ELAVL3: variants seen among roughly 807,000 people sequenced by gnomAD.
ELAVL3 encodes the protein ELAV-like protein 3.
In ELAVL3, 8 loss-of-function variants were observed where a neutral mutation model predicts 34.2. The ratio of observed to expected loss-of-function variants is 0.23; its 90% confidence interval spans 0.14 to 0.42. ELAVL3 has a LOEUF of 0.42. Among genes scored for constraint, ELAVL3 ranks in the 10% least tolerant of loss-of-function variants. The probability of loss-of-function intolerance (pLI) is 1.00; values close to 1 mark genes in which losing one functional copy is unlikely to be tolerated. For synonymous variants in ELAVL3, 209 were observed against 222.1 expected (o/e 0.94, Z 0.53); for missense variants, 273 against 518.8 (o/e 0.53, Z 4.60).
At chr19:11,460,135 T>C (rs945392270) in intron 3 of ELAVL3, among the ~76,000 whole-genome samples, 9 of 152,108 alleles carry the variant, frequency 5.9e-5, no homozygotes, top group African/African-American at 2.2e-4. Context: ...AACTCTGTCC[T>C]CCTAAGTGCT....
intron 1 of ELAVL3, among the ~76,000 whole-genome samples, chr19:11,467,699 G>C (rs1186461358): frequency 3.3e-5 from 5 of 152,038 alleles, no homozygotes; most frequent in African/African-American, 1.2e-4. Context: ...GGCCAGGCTG[G>C]TCTCGAACTC....
intron 3 of ELAVL3, among the ~76,000 whole-genome samples, chr19:11,461,286 G>C (rs1970878558): frequency 6.6e-6 from 1 of 152,164 alleles, no homozygotes; most frequent in Non-Finnish European, 1.5e-5. Flanking sequence ...TACAAAGCAG[G>C]GAATATTGTG....
intron 5 of ELAVL3, 49 bp from the exon 6 acceptor site, chr19:11,457,197 C>T: frequency 6.5e-7 from 1 of 1,528,924 alleles, no homozygotes; most frequent in Non-Finnish European, 8.8e-7. Flanking sequence ...TCACGCCCCC[C>T]TGCTGTGACA....
intron 3 of ELAVL3, among the ~76,000 whole-genome samples, chr19:11,463,220 C>G (rs73922659): frequency 0.041 from 6,294 of 152,194 alleles, 443 homozygotes; most frequent in African/African-American, 0.14. Context: ...ATGGACCAAA[C>G]TCCACCCACA....
rs1040971680 is a variant in ELAVL3 at position 11,462,880 on chromosome 19, T to G, written c.333+3292A>C. On this transcript the variant is annotated intron_variant, in intron 3 of 6. Coordinates refer to ENST00000359227, the MANE Select transcript of ELAVL3 (RefSeq NM_001420.4). ...GGGAGGCTGAGGCAGGAGAATTGCT[T>G]GAACCTGGGAGGCAGAGGTTGCAGT... is the stretch of plus-strand genomic sequence containing the variant. 3.7e-4 allele frequency among the ~76,000 whole-genome samples: 56 copies of G among 149,858 alleles called. 1 individual carries two copies. In the Admixed American group the frequency reaches 3.8e-3, roughly 10 times the overall value.
Position 11,469,446 on chromosome 19 carries a change from A to G in ELAVL3, c.10-2619T>C, listed in dbSNP as rs545089852. 1.1e-4 allele frequency among the ~76,000 whole-genome samples: 16 copies of G among 151,742 alleles called. No homozygotes were observed. In the South Asian group the frequency reaches 3.3e-3, roughly 32 times the overall value. Reference sequence around the variant, plus strand: ...TAGGCATGCGCCACCATGCCCGGCTAATTTTGTATTTTTAGTAGAGGCGGG... The same window carrying G: ...TAGGCATGCGCCACCATGCCCGGCTGATTTTGTATTTTTAGTAGAGGCGGG... On this transcript the variant is annotated intron_variant, in intron 1 of 6. Coordinates refer to ENST00000359227, the MANE Select transcript of ELAVL3 (RefSeq NM_001420.4).
chr19:11,480,785 G>C lies in ELAVL3; in HGVS notation c.-177C>G, dbSNP rs1244117669. 2.0e-6 allele frequency: 1 copy of C among 492,436 alleles called. No homozygotes were observed. Among genetic ancestry groups the C allele is most frequent in the Non-Finnish European group, 3.2e-6 (1 of 311,124 alleles). 30.5% of individuals were successfully genotyped at this position (492,436 alleles called of 1,614,324 possible). A position where few individuals can be genotyped will look rare whatever the true frequency, so the allele number is the denominator to read the frequency against. On this transcript the variant is annotated 5_prime_UTR_variant, in exon 1 of 7. Transcript: ENST00000359227. This position sits in a 1 kb window ranked among gnomAD's most constrained non-coding sequence, Gnocchi z 6.8. Reference sequence around the variant, plus strand: ...GAGGGCCAGGGACGGGCCCGAACCCGGGGATGCGCGCGCGGATGGCCGGGC... The same window carrying C: ...GAGGGCCAGGGACGGGCCCGAACCCCGGGATGCGCGCGCGGATGGCCGGGC...
At chr19:11,471,171 A>G (rs1351562470) in intron 1 of ELAVL3, among the ~76,000 whole-genome samples, 5 of 150,188 alleles carry the variant, frequency 3.3e-5, no homozygotes, top group Non-Finnish European at 5.9e-5. Context: ...TTAGCCGGGC[A>G]TGGTGGTGTG....
rs1437219069 is a variant in ELAVL3, at chr19:11,451,566, C to T, written c.*2960G>A. 1.4e-5 allele frequency: 2 copies of T among 145,676 alleles called. No homozygotes were observed. Among genetic ancestry groups the T allele is most frequent in the African/African-American group, 2.6e-5 (1 of 39,076 alleles). The allele number at this position is 145,676 out of a possible 1,614,324, so 9.0% of individuals were successfully genotyped here. The stretch of plus-strand genomic sequence containing the variant: ...GACTCTGTCGTGATTTGAAACCTTC[C>T]GAATAAATAACAGGATGAAGGGAGG... On this transcript the variant is annotated 3_prime_UTR_variant, in exon 7 of 7. Coordinates refer to ENST00000359227, the MANE Select transcript of ELAVL3 (RefSeq NM_001420.4).
At position 11,480,328 on chromosome 19, in the gene ELAVL3, A is replaced by G; in HGVS notation, c.9+272T>C. ...GCCCCTCCCCCATCAGGCCTGCTGG[A>G]GAGGGGGCAATCCCGCCTCCAGGGC... is the stretch of plus-strand genomic sequence containing the variant. On this transcript the variant is annotated intron_variant, in intron 1 of 6. Coordinates refer to ENST00000359227, the MANE Select transcript of ELAVL3 (RefSeq NM_001420.4). This position sits in a 1 kb window ranked among gnomAD's most constrained non-coding sequence, Gnocchi z 6.8. 2.6e-6 allele frequency: 1 copy of G among 387,758 alleles called. No individual in the cohort carries two copies. Among genetic ancestry groups the G allele is most frequent in the South Asian group, 9.0e-5 (1 of 11,060 alleles). The allele number at this position is 387,758 out of a possible 1,614,324, so 24.0% of individuals were successfully genotyped here.
chr19:11,460,774 G>T (rs1970866574), intron 3 of ELAVL3, among the ~76,000 whole-genome samples: 1 of 151,790 alleles, frequency 6.6e-6, no homozygotes, highest in South Asian at 2.1e-4. Context: ...TCCTAACTAG[G>T]AATTAGACAC....
rs747396136 is a variant in ELAVL3, at chr19:11,480,656, G to A, written c.-48C>T. ...GTCCGTGTTGAGGGGGGCTCCGGGG[G>A]TGGTGCACTCCTAGGGGGGCGCCCG... On this transcript the variant is annotated 5_prime_UTR_variant, in exon 1 of 7. Transcript: ENST00000359227. The surrounding 1 kb of genome is among the most constrained non-coding windows in gnomAD (Gnocchi z 6.8). 1.9e-5 allele frequency: 27 copies of A among 1,408,118 alleles called. No homozygotes were observed. Among genetic ancestry groups the A allele is most frequent in the Admixed American group, 2.8e-5 (1 of 36,144 alleles). 87.2% of individuals were successfully genotyped at this position (1,408,118 alleles called of 1,614,324 possible).
chr19:11,457,194 C>T (rs551155304), intron 5 of ELAVL3, 46 bp from the exon 6 acceptor site: 2 of 1,532,362 alleles, frequency 1.3e-6, no homozygotes, highest in East Asian at 2.6e-5. Context: ...CAGTCACGCC[C>T]CCCTGCTGTG....
intron 1 of ELAVL3, among the ~76,000 whole-genome samples, chr19:11,468,388 T>C (rs1971097881): frequency 6.6e-6 from 1 of 151,942 alleles, no homozygotes; most frequent in East Asian, 1.9e-4. Flanking sequence ...GGGGCTACAG[T>C]GTGATAGTGG....
intron 1 of ELAVL3, among the ~76,000 whole-genome samples, chr19:11,476,260 G>A (rs537097853): frequency 6.6e-6 from 1 of 152,116 alleles, no homozygotes; most frequent in African/African-American, 2.4e-5. Flanking sequence ...TTTAATACAC[G>A]AGGAAAGAGA....
rs144875735 is a variant in ELAVL3 at position 11,458,144 on chromosome 19, C to G, written c.630G>C (p.Thr210=). Reference sequence around the variant, plus strand: ...AGAGGTGGGTGAGCAGCGCCTGCCCCGTCTTCTGACTTGGGTTGTTCGCGA... The same window carrying G: ...AGAGGTGGGTGAGCAGCGCCTGCCCGGTCTTCTGACTTGGGTTGTTCGCGA... ...VKFANNPSQK[T]GQALLTHLYQ... is the part of the protein sequence containing the mutation. The change falls in exon 5 of 7, where the codon ACG becomes ACC. Residue 210 remains threonine, a synonymous_variant. Transcript: ENST00000359227. The surrounding 1 kb of genome is among the most constrained non-coding windows in gnomAD (Gnocchi z 7.3). 6.2e-7 allele frequency: 1 copy of G among 1,614,158 alleles called. No individual in the cohort carries two copies. Among genetic ancestry groups the G allele is most frequent in the Admixed American group, 1.7e-5 (1 of 60,030 alleles).
At position 11,466,831 on chromosome 19, in the gene ELAVL3, G is replaced by A. The variant is rs2144898411; in HGVS notation, c.10-4C>T. The A allele has an allele frequency of 6.3e-7, 1 of 1,595,006 alleles. No homozygotes were observed. Among genetic ancestry groups the A allele is most frequent in the Non-Finnish European group, 8.5e-7 (1 of 1,170,256 alleles). On this transcript the variant is annotated splice_polypyrimidine_tract_variant and splice_region_variant and intron_variant, in intron 1 of 6. Transcript: ENST00000359227. The surrounding 1 kb of genome is among the most constrained non-coding windows in gnomAD (Gnocchi z 5.0). ...ACTCCATGGCCCCCAGTATCTGCTG[G>A]AGATAACAGGTCGCATCCGCTCACC... is the stretch of plus-strand genomic sequence containing the variant.
At chr19:11,476,877 C>T (rs903374773) in intron 1 of ELAVL3, among the ~76,000 whole-genome samples, 11 of 150,368 alleles carry the variant, frequency 7.3e-5, no homozygotes, top group South Asian at 2.1e-4. Flanking sequence ...CTAGCCTGGG[C>T]GACAGAGAAA....
In ELAVL3 at chr19:11,452,287, ACTT is replaced by A. The variant is rs1343334838; in HGVS notation, c.*2236_*2238del. 6.6e-6 allele frequency: 1 copy of A among 152,176 alleles called. No homozygotes were observed. Among genetic ancestry groups the A allele is most frequent in the Non-Finnish European group, 1.5e-5 (1 of 68,044 alleles). 9.4% of individuals were successfully genotyped at this position (152,176 alleles called of 1,614,324 possible). ...TTAGGCATAACCATGTCTCGGCAAA[ACTT>A]AAAGAAACAAAGAGAACATTGTCGT... On this transcript the variant is annotated 3_prime_UTR_variant, in exon 7 of 7. Coordinates refer to ENST00000359227, the MANE Select transcript of ELAVL3 (RefSeq NM_001420.4).
Sources: allele counts gnomAD v4.1 joint callset (sites outside exome capture counted in the v4.1 genomes callset), GRCh38; gene constraint gnomAD v4.1.1; non-coding constraint Gnocchi (gnomAD v3.1); transcripts MANE v1.5; gene names NCBI Gene and HGNC (gene_info 2026-07-23, HGNC 2026-07-21).